PTPRN2: variants seen among roughly 807,000 people sequenced by gnomAD.
PTPRN2 encodes the protein receptor-type tyrosine-protein phosphatase N2.
PTPRN2 carries 74 observed loss-of-function variants against 118.8 expected under a neutral mutation model. The observed-to-expected ratio is 0.62, with a 90% CI of 0.52 to 0.76. The LOEUF is 0.76. PTPRN2 is among the 30% of genes least tolerant of loss of function. The pLI is 0.00. For missense variants in PTPRN2, 1,481 were observed against 1,394.4 expected (o/e 1.06, Z -0.99); for synonymous variants, 641 against 608.0 (o/e 1.05, Z -0.80).
intron 3 of PTPRN2, among the ~76,000 whole-genome samples, chr7:158,280,437 C>A (rs575796647): frequency 6.6e-6 from 1 of 152,210 alleles, no homozygotes; most frequent in Non-Finnish European, 1.5e-5. Flanking sequence ...TACCTGGGAA[C>A]GCAGGATCAT....
intron 13 of PTPRN2, among the ~76,000 whole-genome samples, chr7:157,661,164 C>A (rs764073492): frequency 6.6e-6 from 1 of 152,272 alleles, no homozygotes; most frequent in African/African-American, 2.4e-5. Flanking sequence ...GGGTTCGGTG[C>A]CTCTCAGCGG....
At chr7:157,686,190 C>T (rs1169722362) in intron 12 of PTPRN2, among the ~76,000 whole-genome samples, 3 of 152,192 alleles carry the variant, frequency 2.0e-5, no homozygotes. Flanking sequence ...AAACCCGCTT[C>T]CTACCCGCCC....
chr7:158,465,640 C>A (rs1362520686), intron 2 of PTPRN2, among the ~76,000 whole-genome samples: 2 of 152,172 alleles, frequency 1.3e-5, no homozygotes, highest in African/African-American at 4.8e-5. Context: ...TACTTGGAAG[C>A]ACTGAAAGGC....
chr7:157,729,687 G>A lies in PTPRN2; in HGVS notation c.1789-46750C>T, dbSNP rs1799786644. ...AGGGAGGTCCTGGGAGGGTCGCTAG[G>A]GTGAGGACGCTGAGAGCCCATGTGC... On this transcript the variant is annotated intron_variant, in intron 12 of 22. Coordinates refer to ENST00000389418, the MANE Select transcript of PTPRN2 (RefSeq NM_002847.5). The surrounding 1 kb of genome is among the most constrained non-coding windows in gnomAD (Gnocchi z 4.3). Among the ~76,000 whole-genome samples, 1 of 152,154 alleles carries A rather than the reference G, an allele frequency of 6.6e-6. No individual in the cohort carries two copies. Among genetic ancestry groups the A allele is most frequent in the Non-Finnish European group, 1.5e-5 (1 of 68,008 alleles).
intron 10 of PTPRN2, among the ~76,000 whole-genome samples, chr7:158,097,169 C>T (rs1437830420): frequency 6.9e-6 from 1 of 144,214 alleles, no homozygotes; most frequent in African/African-American, 2.6e-5. Context: ...CTGAAACATA[C>T]TTTCCAGAAG....
At chr7:157,652,423 C>T (rs1805722409) in intron 14 of PTPRN2, among the ~76,000 whole-genome samples, 1 of 152,242 alleles carries the variant, frequency 6.6e-6, no homozygotes, top group East Asian at 1.9e-4. Flanking sequence ...TCCTGGGACA[C>T]AGCACCTGCA....
intron 10 of PTPRN2, among the ~76,000 whole-genome samples, chr7:158,103,261 C>T (rs947234974): frequency 2.6e-5 from 4 of 152,174 alleles, no homozygotes; most frequent in Non-Finnish European, 4.4e-5. Flanking sequence ...AGGGATAGTG[C>T]CAAAGATACA....
rs1043901952 is a variant in PTPRN2 at position 158,580,278 on chromosome 7, G to A, written c.112+7280C>T. ...TGGATTAAAATCACAGCCTCTGACT[G>A]CCAATTTTATTAGCGGCTCCATCCA... is the stretch of plus-strand genomic sequence containing the variant. On this transcript the variant is annotated intron_variant, in intron 1 of 22. Transcript: ENST00000389418. 1.1e-4 allele frequency among the ~76,000 whole-genome samples: 16 copies of A among 152,208 alleles called. 1 individual carries two copies. The highest frequency in any genetic ancestry group is 3.9e-4 in the African/African-American group (16 of 41,456).
intron 11 of PTPRN2, among the ~76,000 whole-genome samples, chr7:157,995,741 C>A (rs1026000102): frequency 6.6e-6 from 1 of 152,246 alleles, no homozygotes; most frequent in Non-Finnish European, 1.5e-5. Flanking sequence ...GGAGGATCCA[C>A]GTGTGCATGT....
In PTPRN2 at chr7:157,869,966, C is replaced by G. The variant is rs1810951252; in HGVS notation, c.1788+28707G>C. Reference sequence around the variant, plus strand: ...GTCTGCTGTTGCTTCGATGGGACCCCTTCCGCCTCTCGGTAGCCACTGCTG... The same window carrying G: ...GTCTGCTGTTGCTTCGATGGGACCCGTTCCGCCTCTCGGTAGCCACTGCTG... On this transcript the variant is annotated intron_variant, in intron 12 of 22. Transcript: ENST00000389418. This position sits in a 1 kb window ranked among gnomAD's most constrained non-coding sequence, Gnocchi z 4.2. Among the ~76,000 whole-genome samples, 1 of 152,212 alleles carries G rather than the reference C, an allele frequency of 6.6e-6. No individual in the cohort carries two copies. Among genetic ancestry groups the G allele is most frequent in the Admixed American group, 6.5e-5 (1 of 15,286 alleles).
intron 6 of PTPRN2, among the ~76,000 whole-genome samples, chr7:158,160,130 A>G (rs1437656300): frequency 1.3e-5 from 2 of 152,240 alleles, no homozygotes; most frequent in African/African-American, 2.4e-5. Flanking sequence ...TGCCAAGTTG[A>G]CAAGGGGTGA....
rs1811486531 is a variant in PTPRN2 at position 158,071,282 on chromosome 7, G to GGTGGTGGAGGTGCCCGTC, written c.1723+10015_1723+10016insGACGGGCACCTCCACCAC. Reference sequence around the variant, plus strand: ...TGCCCGTGGTGGTGGAGGTGCCCGTGGTGGTGGAGGTGCTCGTGGTGGAGG... The same window carrying GGTGGTGGAGGTGCCCGTC: ...TGCCCGTGGTGGTGGAGGTGCCCGTGGTGGTGGAGGTGCCCGTCGTGGTGGAGGTGCTCGTGGTGGAGG... On this transcript the variant is annotated intron_variant, in intron 11 of 22. Coordinates refer to ENST00000389418, the MANE Select transcript of PTPRN2 (RefSeq NM_002847.5). Among the ~76,000 whole-genome samples, 3 of 58,092 alleles carry GGTGGTGGAGGTGCCCGTC rather than the reference G, an allele frequency of 5.2e-5. 1 individual carries two copies. Among genetic ancestry groups the GGTGGTGGAGGTGCCCGTC allele is most frequent in the African/African-American group, 2.6e-4 (2 of 7,686 alleles). 38.1% of individuals were successfully genotyped at this position (58,092 alleles called of 152,430 possible). A position where few individuals can be genotyped will look rare whatever the true frequency, so the allele number is the denominator to read the frequency against.
At chr7:158,309,851 C>T (rs929958722) in intron 3 of PTPRN2, among the ~76,000 whole-genome samples, 3 of 152,174 alleles carry the variant, frequency 2.0e-5, no homozygotes, top group African/African-American at 7.2e-5. Context: ...ATTCTGATCC[C>T]CAGTGTGACA....
At chr7:158,153,258 A>C (rs1258657375) in intron 6 of PTPRN2, among the ~76,000 whole-genome samples, 1 of 152,182 alleles carries the variant, frequency 6.6e-6, no homozygotes, top group Non-Finnish European at 1.5e-5. Context: ...ACAACCTTGC[A>C]CTTACTCTCC....
intron 11 of PTPRN2, among the ~76,000 whole-genome samples, chr7:158,070,679 CCCG>C: frequency 2.6e-5 from 2 of 75,722 alleles, no homozygotes; most frequent in Non-Finnish European, 5.3e-5. Context: ...GGTGGAGGTG[CCCG>C]TGGTGGCGGA....
intron 12 of PTPRN2, among the ~76,000 whole-genome samples, chr7:157,683,735 C>T (rs778100829): frequency 1.3e-5 from 2 of 152,128 alleles, no homozygotes; most frequent in Admixed American, 6.5e-5. Context: ...CTTGTCTCCA[C>T]GTGCAAATAG....
At chr7:158,006,183 A>C (rs1585188201) in intron 11 of PTPRN2, among the ~76,000 whole-genome samples, 1 of 152,168 alleles carries the variant, frequency 6.6e-6, no homozygotes, top group Non-Finnish European at 1.5e-5. Context: ...CAGATGTGAC[A>C]CCCTAAGAAA....
chr7:158,284,036 A>G (rs1346326954), intron 3 of PTPRN2, among the ~76,000 whole-genome samples: 1 of 152,246 alleles, frequency 6.6e-6, no homozygotes, highest in Admixed American at 6.5e-5. Context: ...CGCCTGAAAG[A>G]CATGTTCATA....
chr7:158,265,144 G>T (rs534471693), intron 3 of PTPRN2, among the ~76,000 whole-genome samples: 49 of 152,088 alleles, frequency 3.2e-4, no homozygotes, highest in Non-Finnish European at 3.1e-4. Context: ...CCCCTGGCCC[G>T]GTGGAGCAGT....
Sources: allele counts gnomAD v4.1 joint callset (sites outside exome capture counted in the v4.1 genomes callset), GRCh38; gene constraint gnomAD v4.1.1; non-coding constraint Gnocchi (gnomAD v3.1); transcripts MANE v1.5; gene names NCBI Gene and HGNC (gene_info 2026-07-23, HGNC 2026-07-21).